Variants in FAM135B observed in about 807,000 individuals in gnomAD.
FAM135B encodes the protein family with sequence similarity 135 member B, also known as protein FAM135B.
A neutral mutation model predicts 127.7 loss-of-function variants in FAM135B; 43 were observed. The ratio of observed to expected loss-of-function variants is 0.34; its 90% CI spans 0.26 to 0.43. FAM135B has a LOEUF of 0.43. Ranked by LOEUF, FAM135B falls within the 20% of genes least tolerant of loss-of-function variation. The probability of loss-of-function intolerance (pLI) is 1.00; values close to 1 mark genes in which losing one functional copy is unlikely to be tolerated. For synonymous variants in FAM135B, 670 were observed against 665.1 expected (o/e 1.01, Z -0.11); for missense variants, 1,558 against 1,725.6 (o/e 0.90, Z 1.72).
chr8:138,248,420 T>C (rs749082315), intron 6 of FAM135B, among the ~76,000 whole-genome samples: 3 of 152,310 alleles, frequency 2.0e-5, no homozygotes, highest in Non-Finnish European at 2.9e-5. Flanking sequence ...TAAAGCTTAG[T>C]GACACCCACC....
At chr8:138,143,365 G>A (rs376110679) in intron 15 of FAM135B, among the ~76,000 whole-genome samples, 21 of 152,246 alleles carry the variant, frequency 1.4e-4, no homozygotes, top group African/African-American at 4.3e-4. Flanking sequence ...TTGTGGTGCC[G>A]ACTGCCACAC....
chr8:138,248,860 T>C (rs955127263), intron 6 of FAM135B, among the ~76,000 whole-genome samples: 1 of 148,660 alleles, frequency 6.7e-6, no homozygotes, highest in East Asian at 2.0e-4. Context: ...ATAAAATAAA[T>C]GAAAGTTCCT....
intron 9 of FAM135B, 110 bp downstream of exon 9, chr8:138,195,148 G>A: frequency 1.0e-6 from 1 of 966,848 alleles, no homozygotes; most frequent in South Asian, 1.5e-5. Context: ...CTAGAGTGAA[G>A]TTACAAGTGG....
intron 1 of FAM135B, among the ~76,000 whole-genome samples, chr8:138,470,682 A>G (rs2131646432): frequency 6.6e-6 from 1 of 152,298 alleles, no homozygotes; most frequent in East Asian, 1.9e-4. Flanking sequence ...AAATCTACAC[A>G]ACTGGGTACT....
At chr8:138,193,637 A>AG (rs1816340793) in intron 9 of FAM135B, among the ~76,000 whole-genome samples, 1 of 152,222 alleles carries the variant, frequency 6.6e-6, no homozygotes, top group African/African-American at 2.4e-5. Flanking sequence ...GCACCTCCAC[A>AG]GGTACGTGGC....
chr8:138,164,444 A>G (rs750590954), intron 12 of FAM135B, among the ~76,000 whole-genome samples: 1 of 152,134 alleles, frequency 6.6e-6, no homozygotes, highest in African/African-American at 2.4e-5. Context: ...AAAATATGAC[A>G]TTGTGAAAGG....
chr8:138,460,090 T>C (rs369139724), intron 1 of FAM135B, among the ~76,000 whole-genome samples: 17 of 152,324 alleles, frequency 1.1e-4, no homozygotes, highest in African/African-American at 3.6e-4. Context: ...GCTGTACCAA[T>C]AGTTTAAGCC....
rs374673075 is a variant in FAM135B, at chr8:138,256,699, T to A, written c.358A>T (p.Ser120Cys). ...QLKVDLHFTD[S>C]EQQLRDVAGA... ...TTCCATGACACTCACTGCTGTTCAC[T>A]GTCCGTAAAGTGCAGATCCACCTTG... Residue 120 changes from serine to cysteine, a missense_variant, in exon 5 of 20, where the codon AGT becomes TGT. Ser to Cys is a moderately radical substitution (Grantham distance 112). Transcript: ENST00000395297. 1.9e-6 allele frequency: 3 copies of A among 1,613,862 alleles called. No individual in the cohort carries two copies. Among genetic ancestry groups the A allele is most frequent in the Non-Finnish European group, 2.5e-6 (3 of 1,179,818 alleles).
At chr8:138,384,237 C>T (rs998833657) in intron 1 of FAM135B, among the ~76,000 whole-genome samples, 6 of 152,186 alleles carry the variant, frequency 3.9e-5, no homozygotes, top group Non-Finnish European at 8.8e-5. Flanking sequence ...GCCGGGCCTA[C>T]CCAAAGTGAC....
chr8:138,268,700 A>G (rs1207328001), intron 3 of FAM135B, among the ~76,000 whole-genome samples: 1 of 152,202 alleles, frequency 6.6e-6, no homozygotes, highest in African/African-American at 2.4e-5. Context: ...AGAGACAGCA[A>G]AAGTACATAC....
At position 138,141,325 on chromosome 8, in the gene FAM135B, G is replaced by A. The variant is rs768830757; in HGVS notation, c.3663C>T (p.Asn1221=). 46 of 1,614,038 alleles carry A rather than the reference G, an allele frequency of 2.8e-5. No homozygotes were observed. The South Asian group carries it at 4.7e-4, about 17-fold the overall frequency. The part of the protein sequence containing the change: ...RISFIGHSLG[N]IIIRSVLTRP... ...GTGTGAGGACCGATCGGATGATGAT[G>A]TTGCCAAGAGAATGGCCAATGAAGC... The change falls in exon 17 of 20, where the codon AAC becomes AAT. Residue 1221 remains asparagine, a synonymous_variant. Coordinates refer to ENST00000395297, the MANE Select transcript of FAM135B (RefSeq NM_015912.4). The surrounding 1 kb of genome is among the most constrained non-coding windows in gnomAD (Gnocchi z 4.7).
intron 3 of FAM135B, among the ~76,000 whole-genome samples, chr8:138,296,681 T>C (rs1320178092): frequency 1.3e-5 from 2 of 152,196 alleles, no homozygotes; most frequent in Non-Finnish European, 2.9e-5. Context: ...ATATCTAACA[T>C]CTACAAGCAT....
chr8:138,355,603 T>A (rs1444298696), intron 2 of FAM135B, among the ~76,000 whole-genome samples: 2 of 152,184 alleles, frequency 1.3e-5, no homozygotes, highest in African/African-American at 4.8e-5. Context: ...CTCTCACGCC[T>A]GTCAGTCATT....
chr8:138,435,010 GCTGA>G (rs1181437634), intron 1 of FAM135B, among the ~76,000 whole-genome samples: 2 of 152,150 alleles, frequency 1.3e-5, no homozygotes, highest in African/African-American at 4.8e-5. Context: ...TGCAAGTGTG[GCTGA>G]AGCCACACGC....
intron 1 of FAM135B, among the ~76,000 whole-genome samples, chr8:138,459,847 A>C (rs1837022596): frequency 6.6e-6 from 1 of 152,192 alleles, no homozygotes; most frequent in Non-Finnish European, 1.5e-5. Flanking sequence ...ACTTTAAAAT[A>C]GAGATTGGCC....
chr8:138,359,185 G>A (rs1587223105), intron 2 of FAM135B, among the ~76,000 whole-genome samples: 1 of 152,270 alleles, frequency 6.6e-6, no homozygotes, highest in East Asian at 1.9e-4. Context: ...AAAGGGGGAT[G>A]TAAAATTGTT....
chr8:138,388,788 A>G (rs1041394775), intron 1 of FAM135B, among the ~76,000 whole-genome samples: 1 of 152,176 alleles, frequency 6.6e-6, no homozygotes, highest in Non-Finnish European at 1.5e-5. Context: ...TAGGGCAGTG[A>G]AAGTACTCAG....
chr8:138,416,455 A>G (rs542312214), intron 1 of FAM135B, among the ~76,000 whole-genome samples: 2 of 152,320 alleles, frequency 1.3e-5, no homozygotes, highest in East Asian at 3.9e-4. Flanking sequence ...AAATATAATA[A>G]TATGCATAAT....
chr8:138,440,138 T>C (rs1428874365), intron 1 of FAM135B: 1 of 152,212 alleles, frequency 6.6e-6, no homozygotes, highest in Non-Finnish European at 1.5e-5. Context: ...GCAGGAACTA[T>C]AATGTTTTCT....
Sources: gnomAD v4.1 joint callset for allele counts (sites outside exome capture counted in the v4.1 genomes callset) on GRCh38, gnomAD v4.1.1 for gene constraint, Gnocchi (gnomAD v3.1) non-coding constraint, MANE v1.5 for transcripts, NCBI Gene and HGNC (gene_info 2026-07-23, HGNC 2026-07-21) for gene names.